The following CEP97 variants were observed in gnomAD, a reference collection of about 807,000 sequenced individuals.
CEP97 encodes the protein centrosomal protein of 97 kDa.
Under a neutral mutation model 73.1 loss-of-function variants are expected in CEP97, and 43 were observed. That is an observed-to-expected ratio of 0.59 (90% CI 0.46 to 0.76). The LOEUF (loss-of-function observed/expected upper bound fraction) is 0.76, where lower values mean the gene tolerates loss of function less well. CEP97 is among the 30% of genes least tolerant of loss of function. The pLI is 0.00. For missense variants in CEP97, 939 were observed against 1,014.0 expected, an observed-to-expected ratio of 0.93 and a Z score of 1.00; for synonymous variants, 337 against 370.0, an observed-to-expected ratio of 0.91 and a Z score of 1.02.
chr3:101,734,885 A>C (rs1202862484), intron 6 of CEP97, among the ~76,000 whole-genome samples: 1 of 152,166 alleles, frequency 6.6e-6, no homozygotes, highest in East Asian at 1.9e-4. Flanking sequence ...ACAAAGAGAG[A>C]TGAGACCTGC....
intron 6 of CEP97, among the ~76,000 whole-genome samples, chr3:101,733,743 T>G (rs11708611): frequency 0.32 from 47,793 of 151,698 alleles, 7,739 homozygotes; most frequent in Non-Finnish European, 0.35. Flanking sequence ...TTTTAGCCGG[T>G]ATGGTCTCGA....
chr3:101,758,129 C>A lies in CEP97; in HGVS notation c.1523C>A (p.Thr508Asn). Reference protein sequence around the residue: ...NHSLTFFPESTEQKQSDIKKP... With the variant: ...NHSLTFFPESNEQKQSDIKKP... ...AGTCTTACATTTTTTCCTGAGTCAA[C>A]TGAGCAGAAACAATCAGACATAAAG... Residue 508 changes from threonine (T) to asparagine (N), a missense_variant, in exon 9 of 11, where the codon ACT becomes AAT. Physicochemically the swap from Thr to Asn is moderately conservative, Grantham distance 65 (BLOSUM62 0). Transcript: ENST00000341893. 1 of 1,614,180 alleles carries A rather than the reference C, an allele frequency of 6.2e-7. No homozygotes were observed.
intron 6 of CEP97, among the ~76,000 whole-genome samples, chr3:101,749,491 G>C (rs964206437): frequency 1.5e-5 from 2 of 132,018 alleles, no homozygotes; most frequent in African/African-American, 5.8e-5. Context: ...ATGATTTATA[G>C]TCCTTTGGGT....
chr3:101,752,361 C>A (rs1252676230), intron 6 of CEP97, among the ~76,000 whole-genome samples: 5 of 152,084 alleles, frequency 3.3e-5, no homozygotes, highest in Non-Finnish European at 1.5e-5. Flanking sequence ...GTGAATCTGA[C>A]AATTATGTGT....
intron 6 of CEP97, among the ~76,000 whole-genome samples, chr3:101,754,725 G>C (rs943166760): frequency 2.0e-5 from 3 of 151,824 alleles, no homozygotes; most frequent in African/African-American, 7.3e-5. Context: ...TCTCTCCCTT[G>C]CTTTTCTTTC....
At chr3:101,746,942 T>C (rs1162456256) in intron 6 of CEP97, among the ~76,000 whole-genome samples, 1 of 149,112 alleles carries the variant, frequency 6.7e-6, no homozygotes, top group Non-Finnish European at 1.5e-5. Context: ...TCACCATCAC[T>C]GGCCATCAGA....
intron 7 of CEP97, among the ~76,000 whole-genome samples, chr3:101,756,836 A>G (rs1190290513): frequency 6.6e-6 from 1 of 152,140 alleles, no homozygotes; most frequent in East Asian, 1.9e-4. Flanking sequence ...ATGTTTTTGT[A>G]TGTGTGTATG....
intron 6 of CEP97, among the ~76,000 whole-genome samples, chr3:101,743,493 T>G (rs1243922765): frequency 1.3e-5 from 2 of 152,106 alleles, no homozygotes; most frequent in Non-Finnish European, 2.9e-5. Context: ...CCTCCTACGC[T>G]GAAGGGACCG....
chr3:101,742,301 C>T (rs1325256523), intron 6 of CEP97, among the ~76,000 whole-genome samples: 1 of 152,146 alleles, frequency 6.6e-6, no homozygotes, highest in African/African-American at 2.4e-5. Flanking sequence ...TTTATTGTGG[C>T]ACTTTTCACA....
rs183176248 is a variant in CEP97, at chr3:101,725,538, G to A, written c.43+819G>A. Among the ~76,000 whole-genome samples, 228 of 152,216 alleles carry A rather than the reference G, an allele frequency of 1.5e-3. 1 individual carries two copies. The highest frequency in any genetic ancestry group is 5.3e-3 in the African/African-American group (222 of 41,528). On this transcript the variant is annotated intron_variant, in intron 1 of 10. Transcript: ENST00000341893. ...CTCAGACCTCTCTGTCGACCCCTTGGAATTGTGTACAAAGGCTGTGCACTT... is the reference window on the plus strand; with the variant it reads ...CTCAGACCTCTCTGTCGACCCCTTGAAATTGTGTACAAAGGCTGTGCACTT...
chr3:101,732,522 A>G lies in CEP97; in HGVS notation c.596A>G (p.Gln199Arg), dbSNP rs756866861. ...TTGGCATCCTTAACTGAATTGGAAC[A>G]GTTGTCGATTATGAACAATCCTTGT... is the stretch of plus-strand genomic sequence containing the variant. The part of the protein sequence containing the change: ...SFLASLTELE[Q>R]LSIMNNPCVM... The change falls in exon 6 of 11, where the codon CAG becomes CGG. Residue 199 changes from glutamine (Q) to arginine (R), a missense_variant. Gln to Arg is a conservative substitution (Grantham distance 43). Coordinates refer to ENST00000341893, the MANE Select transcript of CEP97 (RefSeq NM_024548.4). 6 of 1,612,082 alleles carry G rather than the reference A, an allele frequency of 3.7e-6. No homozygotes were observed. Among genetic ancestry groups the G allele is most frequent in the East Asian group, 2.2e-5 (1 of 44,864 alleles).
At chr3:101,727,629 T>G in intron 3 of CEP97, 88 bp downstream of exon 3, 1 of 1,121,136 alleles carries the variant, frequency 8.9e-7, no homozygotes, top group East Asian at 2.5e-5. Context: ...AAAGTGAAAG[T>G]ACCCACTCCC....
In CEP97 at chr3:101,769,908, T is replaced by C. The variant is rs1049110445; in HGVS notation, c.*4357T>C. The C allele has an allele frequency of 6.6e-6, 1 of 152,244 alleles. No homozygotes were observed. Among genetic ancestry groups the C allele is most frequent in the Non-Finnish European group, 1.5e-5 (1 of 68,040 alleles). 9.4% of individuals were successfully genotyped at this position (152,244 alleles called of 1,614,324 possible). A position where few individuals can be genotyped will look rare whatever the true frequency, so the allele number is the denominator to read the frequency against. On this transcript the variant is annotated 3_prime_UTR_variant, in exon 11 of 11. Coordinates refer to ENST00000341893, the MANE Select transcript of CEP97 (RefSeq NM_024548.4). ...CCTTGGAAAGAAATAGATAATTGTC[T>C]TCTTAAGATGAGGTGCTTTTTATCT...
chr3:101,727,581 A>G, intron 3 of CEP97, 40 bp downstream of exon 3: 2 of 1,529,308 alleles, frequency 1.3e-6, no homozygotes, highest in African/African-American at 1.4e-5. Flanking sequence ...TATTCTGCGT[A>G]AAAAAAATTC....
At chr3:101,728,754 C>A in intron 3 of CEP97, 82 bp from the exon 4 acceptor site, 1 of 881,906 alleles carries the variant, frequency 1.1e-6, no homozygotes, top group Non-Finnish European at 1.9e-6. Context: ...GGAAGACACT[C>A]TTTCAGCTGC....
At position 101,766,876 on chromosome 3, in the gene CEP97, G is replaced by A. The variant is rs1216884159; in HGVS notation, c.*1325G>A. 6.6e-6 allele frequency: 1 copy of A among 152,154 alleles called. No homozygotes were observed. Among genetic ancestry groups the A allele is most frequent in the Non-Finnish European group, 1.5e-5 (1 of 68,024 alleles). The allele number at this position is 152,154 out of a possible 1,614,324, so 9.4% of individuals were successfully genotyped here. On this transcript the variant is annotated 3_prime_UTR_variant, in exon 11 of 11. Coordinates refer to ENST00000341893, the MANE Select transcript of CEP97 (RefSeq NM_024548.4). ...ATTAGGTGCCCTTCTCTGAAGTTAT[G>A]TAAAATAAAAGCATCTGATCCTTCA...
chr3:101,745,248 C>T (rs544521417), intron 6 of CEP97, among the ~76,000 whole-genome samples: 1 of 152,150 alleles, frequency 6.6e-6, no homozygotes, highest in East Asian at 1.9e-4. Flanking sequence ...GTTGAAATTC[C>T]TAGTGCTAGA....
intron 4 of CEP97, among the ~76,000 whole-genome samples, chr3:101,730,069 G>T (rs903650846): frequency 1.3e-5 from 2 of 152,082 alleles, no homozygotes; most frequent in Admixed American, 1.3e-4. Context: ...GCCTCGCAAA[G>T]TGTTGGGATT....
rs1939197777 is a variant in CEP97 at position 101,762,465 on chromosome 3, T to A, written c.1818-20T>A. On this transcript the variant is annotated intron_variant, in intron 9 of 10. Coordinates refer to ENST00000341893, the MANE Select transcript of CEP97 (RefSeq NM_024548.4). ...AAAGCACCCTTCCTTATGTCAATAA[T>A]GTGTTTTGAATTATTGTAGATTACG... The A allele has an allele frequency of 6.6e-7, 1 of 1,526,310 alleles. No homozygotes were observed. The highest frequency in any genetic ancestry group is 2.3e-5 in the East Asian group (1 of 43,950). The allele number at this position is 1,526,310 out of a possible 1,614,324, so 94.5% of individuals were successfully genotyped here. A position where few individuals can be genotyped will look rare whatever the true frequency, so the allele number is the denominator to read the frequency against.
Sources: allele counts gnomAD v4.1 joint callset (sites outside exome capture counted in the v4.1 genomes callset), GRCh38; gene constraint gnomAD v4.1.1; transcripts MANE v1.5; gene names NCBI Gene and HGNC (gene_info 2026-07-23, HGNC 2026-07-21).